Variants in AEBP2 observed in about 807,000 individuals in gnomAD.
AEBP2 encodes the protein zinc finger protein AEBP2.
A neutral mutation model predicts 50.8 loss-of-function variants in AEBP2; 10 were observed. That is an observed-to-expected ratio of 0.20 (90% CI 0.12 to 0.33). The LOEUF is 0.33. Among genes scored for constraint, AEBP2 ranks in the 10% least tolerant of loss-of-function variants. AEBP2 has a pLI of 1.00. For synonymous variants in AEBP2, 296 were observed against 261.3 expected (o/e 1.13, Z -1.28); for missense variants, 570 against 688.0 (o/e 0.83, Z 1.92).
rs184068356 is a variant in AEBP2 at position 19,431,152 on chromosome 12, G to A, written c.-17+26936G>A. 4.0e-3 allele frequency among the ~76,000 whole-genome samples: 612 copies of A among 152,306 alleles called. 1 individual carries two copies. Among genetic ancestry groups the A allele is most frequent in the Non-Finnish European group, 6.8e-3 (464 of 68,034 alleles). On this transcript the variant is annotated intron_variant, in intron 1 of 3. Coordinates refer to the AEBP2 transcript ENST00000538425. ...GAGGAAAAATAGGGGTATGACTAAA[G>A]CTAGCAAGGAAAATAGCTGCCATAC...
At position 19,521,390 on chromosome 12, in the gene AEBP2, C is replaced by T. The variant is rs1949396568; in HGVS notation, c.*3273C>T. On this transcript the variant is annotated 3_prime_UTR_variant, in exon 8 of 8. Transcript: ENST00000266508. Reference sequence around the variant, plus strand: ...TAAAGTTATTAATAGTCCATCATTTCATCATTTGTGTTTCTGTATTTATTT... The same window carrying T: ...TAAAGTTATTAATAGTCCATCATTTTATCATTTGTGTTTCTGTATTTATTT... 1 of 152,108 alleles carries T rather than the reference C, an allele frequency of 6.6e-6. No individual in the cohort carries two copies. Among genetic ancestry groups the T allele is most frequent in the African/African-American group, 2.4e-5 (1 of 41,426 alleles). The allele number at this position is 152,108 out of a possible 1,614,324, so 9.4% of individuals were successfully genotyped here. A position where few individuals can be genotyped will look rare whatever the true frequency, so the allele number is the denominator to read the frequency against.
chr12:19,412,553 C>T (rs1457489789), intron 1 of AEBP2, among the ~76,000 whole-genome samples: 2 of 151,984 alleles, frequency 1.3e-5, no homozygotes, highest in African/African-American at 2.4e-5. Flanking sequence ...GCTGGGATTA[C>T]AGGTGTGAGC....
chr12:19,489,321 CAG>C (rs1948860929), intron 3 of AEBP2, among the ~76,000 whole-genome samples: 1 of 152,210 alleles, frequency 6.6e-6, no homozygotes, highest in Admixed American at 6.5e-5. Flanking sequence ...AAGGTGGTGG[CAG>C]AGAGAGTGCA....
At chr12:19,413,574 T>C in intron 1 of AEBP2, 1 of 632,608 alleles carries the variant, frequency 1.6e-6, no homozygotes, top group East Asian at 2.8e-5. Flanking sequence ...AATAAACTTG[T>C]TATGCAAAAT....
chr12:19,500,954 G>C lies in AEBP2; in HGVS notation c.1299+733G>C, dbSNP rs547071479. Among the ~76,000 whole-genome samples the C allele has an allele frequency of 2.0e-5, 3 of 152,230 alleles. No individual in the cohort carries two copies. The South Asian group carries it at 6.2e-4, about 32-fold the overall frequency. On this transcript the variant is annotated intron_variant, in intron 5 of 7. Coordinates refer to ENST00000266508, the MANE Select transcript of AEBP2 (RefSeq NM_153207.5). ...GTCATTTTTAAATTGGTGTAGTTTG[G>C]TGTAATTAAGTTAATAAATGTACAT...
chr12:19,518,819 C>T lies in AEBP2; in HGVS notation c.*702C>T. The T allele has an allele frequency of 1.0e-6, 1 of 996,186 alleles. No homozygotes were observed. The highest frequency in any genetic ancestry group is 2.4e-5 in the South Asian group (1 of 42,536). 61.7% of individuals were successfully genotyped at this position (996,186 alleles called of 1,614,324 possible). ...ATGTCTGGTGGCTCCCTTTTCAGGACTAGGGCTTTCTCATGGAGTACAGTA... is the reference window on the plus strand; with the variant it reads ...ATGTCTGGTGGCTCCCTTTTCAGGATTAGGGCTTTCTCATGGAGTACAGTA... On this transcript the variant is annotated 3_prime_UTR_variant, in exon 8 of 8. Coordinates refer to ENST00000266508, the MANE Select transcript of AEBP2 (RefSeq NM_153207.5).
At chr12:19,471,778 A>G (rs1220392351) in intron 2 of AEBP2, among the ~76,000 whole-genome samples, 1 of 151,604 alleles carries the variant, frequency 6.6e-6, no homozygotes, top group African/African-American at 2.4e-5. Flanking sequence ...CCGTCCCCCT[A>G]CCTCGGTCTC....
intron 1 of AEBP2, among the ~76,000 whole-genome samples, chr12:19,414,356 T>A (rs74648613): frequency 0.022 from 3,398 of 152,278 alleles, 46 homozygotes; most frequent in East Asian, 0.042. Context: ...GACACTGGCA[T>A]GACAGGCAGC....
intron 7 of AEBP2, among the ~76,000 whole-genome samples, chr12:19,516,487 C>G (rs963492173): frequency 6.6e-6 from 1 of 152,166 alleles, no homozygotes; most frequent in African/African-American, 2.4e-5. Flanking sequence ...TGCTTTCTCA[C>G]CAAACCAGCT....
At chr12:19,516,485 C>T (rs562246053) in intron 7 of AEBP2, among the ~76,000 whole-genome samples, 1 of 152,284 alleles carries the variant, frequency 6.6e-6, no homozygotes, top group South Asian at 2.1e-4. Context: ...CTTGCTTTCT[C>T]ACCAAACCAG....
intron 3 of AEBP2, among the ~76,000 whole-genome samples, chr12:19,491,301 A>G (rs988175405): frequency 2.6e-5 from 4 of 152,198 alleles, no homozygotes; most frequent in African/African-American, 9.7e-5. Context: ...TTTGAGGACC[A>G]TGCCATTCTT....
chr12:19,456,346 T>G, intron 1 of AEBP2: 1 of 1,405,226 alleles, frequency 7.1e-7, no homozygotes, highest in Non-Finnish European at 1.0e-6. Flanking sequence ...ACTGTCTGTC[T>G]CATATCATGA....
chr12:19,460,554 A>T (rs573284769), intron 1 of AEBP2, among the ~76,000 whole-genome samples: 1 of 151,750 alleles, frequency 6.6e-6, no homozygotes, highest in African/African-American at 2.4e-5. Flanking sequence ...TGGTTTCACC[A>T]TCTTGATCAG....
intron 5 of AEBP2, among the ~76,000 whole-genome samples, chr12:19,505,269 T>A (rs934158822): frequency 1.3e-5 from 2 of 152,196 alleles, no homozygotes; most frequent in Admixed American, 1.3e-4. Context: ...CAGTAAGATG[T>A]TGTCACCATG....
intron 1 of AEBP2, among the ~76,000 whole-genome samples, chr12:19,428,323 G>T (rs538612664): frequency 6.6e-6 from 1 of 152,314 alleles, no homozygotes; most frequent in African/African-American, 2.4e-5. Flanking sequence ...GGATGGCATT[G>T]CAAAATGAGG....
chr12:19,466,779 TGAG>T, intron 2 of AEBP2: 1 of 984,538 alleles, frequency 1.0e-6, no homozygotes, highest in South Asian at 4.7e-5. Flanking sequence ...CAGAAACAGA[TGAG>T]GAAAAAATTG....
chr12:19,479,733 T>G (rs1485943828), intron 3 of AEBP2, among the ~76,000 whole-genome samples: 2 of 137,592 alleles, frequency 1.5e-5, no homozygotes, highest in East Asian at 4.3e-4. Context: ...TTTTTTTTTT[T>G]TTTTTTTTTT....
chr12:19,445,252 G>A (rs1188988762), intron 1 of AEBP2, among the ~76,000 whole-genome samples: 2 of 152,092 alleles, frequency 1.3e-5, no homozygotes, highest in Admixed American at 1.3e-4. Context: ...AGGCTGGAGT[G>A]CAGTGGTGCG....
intron 1 of AEBP2, among the ~76,000 whole-genome samples, chr12:19,444,140 C>T (rs1179767510): frequency 6.6e-6 from 1 of 151,900 alleles, no homozygotes; most frequent in African/African-American, 2.4e-5. Flanking sequence ...ATTTCAGAGG[C>T]TATGGTAACT....
Sources: gnomAD v4.1 joint callset for allele counts (sites outside exome capture counted in the v4.1 genomes callset) on GRCh38, gnomAD v4.1.1 for gene constraint, MANE v1.5 for transcripts, NCBI Gene and HGNC (gene_info 2026-07-23, HGNC 2026-07-21) for gene names.